The following MAB21L3 variants were observed in gnomAD, a reference collection of about 807,000 sequenced individuals.
MAB21L3 encodes mab-21 like 3.
A neutral mutation model predicts 37.7 loss-of-function variants in MAB21L3; 36 were observed. The ratio of observed to expected loss-of-function variants is 0.96; its 90% CI spans 0.73 to 1.26. The LOEUF (loss-of-function observed/expected upper bound fraction) is 1.26. Among genes scored for constraint, MAB21L3 ranks in the 50% most tolerant of loss-of-function variants. The pLI, the probability that MAB21L3 is intolerant of heterozygous loss-of-function variation, is 0.00. For missense variants in MAB21L3, 430 were observed against 447.3 expected (o/e 0.96, Z 0.35); for synonymous variants, 186 against 176.8 (o/e 1.05, Z -0.41).
intron 3 of MAB21L3, among the ~76,000 whole-genome samples, chr1:116,115,719 A>C (rs893504497): frequency 6.6e-6 from 1 of 152,188 alleles, no homozygotes; most frequent in African/African-American, 2.4e-5. Flanking sequence ...GATAACCTTA[A>C]ATCCCCATAA....
chr1:116,122,428 A>T (rs1437059648), intron 4 of MAB21L3, among the ~76,000 whole-genome samples: 1 of 152,246 alleles, frequency 6.6e-6, no homozygotes. Context: ...CCCACTTAGA[A>T]TTCATAGCTT....
intron 3 of MAB21L3, among the ~76,000 whole-genome samples, chr1:116,117,292 A>C (rs554054782): frequency 7.5e-4 from 114 of 151,408 alleles, no homozygotes; most frequent in Middle Eastern, 3.4e-3. Flanking sequence ...ACACGTTCTG[A>C]GAACTTAACT....
At chr1:116,128,033 T>G in intron 6 of MAB21L3, 112 bp from the exon 7 acceptor site, 1 of 1,120,590 alleles carries the variant, frequency 8.9e-7, no homozygotes, top group Non-Finnish European at 1.3e-6. Context: ...ACGTAGGATG[T>G]GCTGTCTGCC....
At position 116,133,440 on chromosome 1, in the gene MAB21L3, A is replaced by C; in HGVS notation, c.*75A>C. The C allele has an allele frequency of 7.3e-7, 1 of 1,363,616 alleles. No homozygotes were observed. Among genetic ancestry groups the C allele is most frequent in the East Asian group, 2.4e-5 (1 of 42,190 alleles). 84.5% of individuals were successfully genotyped at this position (1,363,616 alleles called of 1,614,324 possible). On this transcript the variant is annotated 3_prime_UTR_variant, in exon 8 of 8. Coordinates refer to ENST00000369500, the MANE Select transcript of MAB21L3 (RefSeq NM_152367.3). ...TTGTTCTTTGGATGGTTCCTCAGTC[A>C]GGTGCCAGGATCCTGCCTAGGAGAA...
chr1:116,138,043 C>T lies in MAB21L3; in HGVS notation c.*4678C>T, dbSNP rs1355125326. ...ATGCTAGATGACGAGTTAGTGGGTG[C>T]AGCGCACCAGCATGGCACATGTATA... On this transcript the variant is annotated 3_prime_UTR_variant, in exon 8 of 8. Coordinates refer to ENST00000369500, the MANE Select transcript of MAB21L3 (RefSeq NM_152367.3). 6.6e-6 allele frequency among the ~76,000 whole-genome samples: 1 copy of T among 150,390 alleles called. No individual in the cohort carries two copies. The highest frequency in any genetic ancestry group is 1.5e-5 in the Non-Finnish European group (1 of 67,740).
At position 116,125,885 on chromosome 1, in the gene MAB21L3, G is replaced by T. The variant is rs530112281; in HGVS notation, c.481+1528G>T. Among the ~76,000 whole-genome samples, 3 of 151,576 alleles carry T rather than the reference G, an allele frequency of 2.0e-5. No homozygotes were observed. The South Asian group carries it at 6.2e-4, about 31-fold the overall frequency. ...GGCAGGGTGTGGGCCGGCAGGGTGT[G>T]GGCCGGCAGGCTGGCTGCAGCATCG... On this transcript the variant is annotated intron_variant, in intron 5 of 7. Coordinates refer to ENST00000369500, the MANE Select transcript of MAB21L3 (RefSeq NM_152367.3).
At chr1:116,114,421 T>G (rs1403268038) in intron 3 of MAB21L3, among the ~76,000 whole-genome samples, 1 of 152,228 alleles carries the variant, frequency 6.6e-6, no homozygotes, top group Non-Finnish European at 1.5e-5. Context: ...TGCCTCCATT[T>G]TTAGAGGAGG....
At chr1:116,118,188 C>T (rs569364865) in intron 3 of MAB21L3, among the ~76,000 whole-genome samples, 87 of 152,114 alleles carry the variant, frequency 5.7e-4, no homozygotes, top group Admixed American at 1.1e-3. Context: ...TTGACACCAT[C>T]CTAGCTAACA....
chr1:116,126,537 G>A (rs1477364057), intron 5 of MAB21L3, among the ~76,000 whole-genome samples: 1 of 152,158 alleles, frequency 6.6e-6, no homozygotes, highest in African/African-American at 2.4e-5. Context: ...TACCATCTAA[G>A]AGACTGAGGC....
intron 5 of MAB21L3, among the ~76,000 whole-genome samples, 181 bp downstream of exon 5, chr1:116,124,538 G>A (rs17425127): frequency 0.063 from 9,664 of 152,250 alleles, 346 homozygotes; most frequent in Middle Eastern, 0.089. Context: ...TTGATGCACA[G>A]AAGATTGGAA....
rs1428956481 is a variant in MAB21L3, at chr1:116,124,345, T to A, written c.469T>A (p.Cys157Ser). The change falls in exon 5 of 8, where the codon TGT (cysteine) becomes AGT (serine). Residue 157 changes from cysteine (C) to serine (S), a missense_variant. Transcript: ENST00000369500. ...RKLVENAVRT[C>S]HLSGKVSLLG... Reference sequence around the variant, plus strand: ...GCTGGTGGAAAATGCAGTTAGAACCTGTCACCTCTCAGGTGAGCTGATCAG... The same window carrying A: ...GCTGGTGGAAAATGCAGTTAGAACCAGTCACCTCTCAGGTGAGCTGATCAG... The A allele has an allele frequency of 6.2e-7, 1 of 1,612,806 alleles. No individual in the cohort carries two copies. Among genetic ancestry groups the A allele is most frequent in the Non-Finnish European group, 8.5e-7 (1 of 1,179,708 alleles).
intron 3 of MAB21L3, among the ~76,000 whole-genome samples, chr1:116,119,459 A>G (rs1659682139): frequency 6.6e-6 from 1 of 152,136 alleles, no homozygotes; most frequent in Non-Finnish European, 1.5e-5. Flanking sequence ...GAAAACAGGA[A>G]TCTCTTTGAC....
intron 7 of MAB21L3, among the ~76,000 whole-genome samples, chr1:116,130,305 T>A (rs1350836932): frequency 6.6e-6 from 1 of 152,196 alleles, no homozygotes; most frequent in East Asian, 1.9e-4. Flanking sequence ...AGGCAACTCC[T>A]TAAGGATTCT....
intron 6 of MAB21L3, 150 bp from the exon 7 acceptor site, chr1:116,127,995 G>T (rs529517433): frequency 2.5e-6 from 2 of 789,968 alleles, no homozygotes; most frequent in Middle Eastern, 3.7e-4. Context: ...GTGGCTTGTG[G>T]TCTCCCTGGC....
chr1:116,117,920 A>G (rs1356964013), intron 3 of MAB21L3, among the ~76,000 whole-genome samples: 2 of 152,008 alleles, frequency 1.3e-5, no homozygotes, highest in African/African-American at 2.4e-5. Context: ...CTGGATGTGC[A>G]TGACTCCTTT....
intron 4 of MAB21L3, among the ~76,000 whole-genome samples, chr1:116,121,779 G>T (rs531615101): frequency 9.9e-5 from 15 of 152,206 alleles, no homozygotes; most frequent in Non-Finnish European, 1.9e-4. Flanking sequence ...ACACAGTAGT[G>T]AGGGCAGAGC....
rs1660208465 is a variant in MAB21L3 at position 116,136,837 on chromosome 1, T to G, written c.*3472T>G. The stretch of plus-strand genomic sequence containing the variant: ...ATAACGCCGCATATCTACAACTATC[T>G]GATCTTTGACAAACCTGAGAAAAAC... On this transcript the variant is annotated 3_prime_UTR_variant, in exon 8 of 8. Transcript: ENST00000369500. Among the ~76,000 whole-genome samples, 1 of 147,430 alleles carries G rather than the reference T, an allele frequency of 6.8e-6. No individual in the cohort carries two copies. The highest frequency in any genetic ancestry group is 1.5e-5 in the Non-Finnish European group (1 of 66,550).
At chr1:116,128,407 T>C in intron 7 of MAB21L3, 68 bp downstream of exon 7, 4 of 1,466,286 alleles carry the variant, frequency 2.7e-6, no homozygotes, top group Non-Finnish European at 3.7e-6. Flanking sequence ...CTGTGGCCTC[T>C]GTAGGGCCTG....
At position 116,127,656 on chromosome 1, in the gene MAB21L3, C is replaced by G. The variant is rs375557422; in HGVS notation, c.660+12C>G. On this transcript the variant is annotated intron_variant, in intron 6 of 7. Transcript: ENST00000369500. ...TGGAGTGCATCAAGGTATCAGTGGG[C>G]GGGACCCAGCTTGCCAGAGCAGTGA... The G allele has an allele frequency of 6.2e-7, 1 of 1,602,734 alleles. No individual in the cohort carries two copies. Among genetic ancestry groups the G allele is most frequent in the East Asian group, 2.2e-5 (1 of 44,688 alleles).
Sources: gnomAD v4.1 joint callset for allele counts (sites outside exome capture counted in the v4.1 genomes callset) on GRCh38, gnomAD v4.1.1 for gene constraint, MANE v1.5 for transcripts, NCBI Gene and HGNC (gene_info 2026-07-23, HGNC 2026-07-21) for gene names.